Variants in CPNE4 observed in about 807,000 individuals in gnomAD.
CPNE4 encodes the protein copine 4.
Under a neutral mutation model 67.9 loss-of-function variants are expected in CPNE4, and 25 were observed. The ratio of observed to expected loss-of-function variants is 0.37; its 90% CI spans 0.27 to 0.51. The LOEUF (loss-of-function observed/expected upper bound fraction) is 0.51, where lower values mean the gene tolerates loss of function less well. CPNE4 is among the 20% of genes least tolerant of loss of function. The pLI, the probability that CPNE4 is intolerant of heterozygous loss-of-function variation, is 0.93. For missense variants in CPNE4, 464 were observed against 690.8 expected (o/e 0.67, Z 3.68); for synonymous variants, 242 against 244.9 (o/e 0.99, Z 0.11).
At chr3:131,733,884 C>T (rs1361143231) in intron 2 of CPNE4, among the ~76,000 whole-genome samples, 1 of 152,224 alleles carries the variant, frequency 6.6e-6, no homozygotes, top group South Asian at 2.1e-4. Context: ...AAGAGGAACT[C>T]ATCTGCGGGA....
At chr3:131,886,127 G>C (rs1427324141) in intron 2 of CPNE4, among the ~76,000 whole-genome samples, 1 of 152,220 alleles carries the variant, frequency 6.6e-6, no homozygotes, top group Non-Finnish European at 1.5e-5. Flanking sequence ...AGGAAGAAGT[G>C]GTTTCATGGG....
At chr3:131,582,663 G>T (rs987014104) in intron 8 of CPNE4, among the ~76,000 whole-genome samples, 1 of 152,128 alleles carries the variant, frequency 6.6e-6, no homozygotes, top group Non-Finnish European at 1.5e-5. Context: ...TGGCCAATGG[G>T]ACATTAGGAA....
At chr3:131,998,480 C>G (rs2107658520) in intron 1 of CPNE4, among the ~76,000 whole-genome samples, 1 of 152,232 alleles carries the variant, frequency 6.6e-6, no homozygotes, top group Non-Finnish European at 1.5e-5. Context: ...TCTCTCTGAA[C>G]ATCAAGCCAT....
At chr3:131,785,671 T>TTC (rs10584037) in intron 2 of CPNE4, among the ~76,000 whole-genome samples, 343 of 142,848 alleles carry the variant, frequency 2.4e-3, no homozygotes, top group Middle Eastern at 0.011. Flanking sequence ...CTTTCTCTCT[T>TTC]TCTCTCTCTC....
chr3:131,539,446 A>G (rs564885789), intron 15 of CPNE4, among the ~76,000 whole-genome samples: 4 of 152,188 alleles, frequency 2.6e-5, no homozygotes, highest in Non-Finnish European at 5.9e-5. Flanking sequence ...ATTCTTCTCA[A>G]CCACCCACAG....
chr3:131,901,218 T>C (rs1255153779), intron 2 of CPNE4, among the ~76,000 whole-genome samples: 1 of 152,136 alleles, frequency 6.6e-6, no homozygotes, highest in African/African-American at 2.4e-5. Flanking sequence ...TTGTACCACT[T>C]GATTATGATG....
At position 131,581,679 on chromosome 3, in the gene CPNE4, C is replaced by T. The variant is rs1449244651; in HGVS notation, c.781-14G>A. 2 of 1,585,798 alleles carry T rather than the reference C, an allele frequency of 1.3e-6. No individual in the cohort carries two copies. Among genetic ancestry groups the T allele is most frequent in the Admixed American group, 3.3e-5 (2 of 59,978 alleles). ...CTCCCACTGCACCTGAAAGAAGGGT[C>T]ATAGCATGAGAATCTGTTCAGGAAA... is the stretch of plus-strand genomic sequence containing the variant. On this transcript the variant is annotated splice_polypyrimidine_tract_variant and intron_variant, in intron 8 of 15. Coordinates refer to ENST00000429747, the MANE Select transcript of CPNE4 (RefSeq NM_130808.3).
chr3:131,605,687 G>A (rs922838982), intron 7 of CPNE4, among the ~76,000 whole-genome samples: 2 of 152,068 alleles, frequency 1.3e-5, no homozygotes, highest in African/African-American at 4.8e-5. Flanking sequence ...AGAGTTTGAA[G>A]TAAATCTGTG....
At chr3:131,863,653 G>A (rs1477381798) in intron 2 of CPNE4, among the ~76,000 whole-genome samples, 2 of 152,112 alleles carry the variant, frequency 1.3e-5, no homozygotes, top group Non-Finnish European at 2.9e-5. Context: ...TATTTTGTAG[G>A]TTGCCTGTTC....
chr3:131,714,310 C>T (rs941868005), intron 3 of CPNE4, among the ~76,000 whole-genome samples: 1 of 152,136 alleles, frequency 6.6e-6, no homozygotes, highest in African/African-American at 2.4e-5. Context: ...CTGTGCCTGA[C>T]ATAATCCTAA....
At chr3:131,654,721 A>G (rs1009507578) in intron 7 of CPNE4, among the ~76,000 whole-genome samples, 1 of 152,172 alleles carries the variant, frequency 6.6e-6, no homozygotes, top group Non-Finnish European at 1.5e-5. Context: ...CTTAAATCCC[A>G]ACAAAGAAGG....
At chr3:132,005,472 C>T (rs1008512077) in intron 1 of CPNE4, among the ~76,000 whole-genome samples, 10 of 151,488 alleles carry the variant, frequency 6.6e-5, no homozygotes, top group Non-Finnish European at 1.2e-4. Context: ...TTTTCTCCAT[C>T]TGTTCACCTG....
At chr3:131,640,141 A>C (rs941233650) in intron 7 of CPNE4, among the ~76,000 whole-genome samples, 6 of 152,194 alleles carry the variant, frequency 3.9e-5, no homozygotes, top group African/African-American at 1.4e-4. Context: ...TCAACAAAGT[A>C]CTGGAAGTCT....
chr3:131,863,875 T>C (rs2086806712), intron 2 of CPNE4, among the ~76,000 whole-genome samples: 1 of 152,232 alleles, frequency 6.6e-6, no homozygotes, highest in Non-Finnish European at 1.5e-5. Flanking sequence ...CTTGAATTAA[T>C]TTTTGTATAA....
intron 1 of CPNE4, among the ~76,000 whole-genome samples, chr3:132,032,455 T>A (rs2074256175): frequency 6.6e-6 from 1 of 152,242 alleles, no homozygotes; most frequent in Admixed American, 6.5e-5. Context: ...ACTATTGCTA[T>A]AGACCAATAT....
chr3:132,014,867 T>A (rs2073854912), intron 1 of CPNE4, among the ~76,000 whole-genome samples: 1 of 152,212 alleles, frequency 6.6e-6, no homozygotes, highest in Non-Finnish European at 1.5e-5. Context: ...AAATTGACTT[T>A]TGTTTAACCA....
At chr3:131,571,367 C>T (rs1156489711) in intron 10 of CPNE4, among the ~76,000 whole-genome samples, 1 of 152,022 alleles carries the variant, frequency 6.6e-6, no homozygotes, top group Non-Finnish European at 1.5e-5. Flanking sequence ...AAGCCACATA[C>T]ATGTAGCTCC....
chr3:131,812,085 T>C (rs1212098220), intron 2 of CPNE4, among the ~76,000 whole-genome samples: 2 of 151,936 alleles, frequency 1.3e-5, no homozygotes, highest in Non-Finnish European at 2.9e-5. Flanking sequence ...TTCAGGTCCA[T>C]AAAGAACAAA....
At chr3:131,827,159 T>C (rs546550904) in intron 2 of CPNE4, among the ~76,000 whole-genome samples, 2 of 152,332 alleles carry the variant, frequency 1.3e-5, no homozygotes, top group South Asian at 4.1e-4. Context: ...CATTAAGCCC[T>C]TTCAGCCCAG....
Sources: gnomAD v4.1 joint callset for allele counts (sites outside exome capture counted in the v4.1 genomes callset) on GRCh38, gnomAD v4.1.1 for gene constraint, MANE v1.5 for transcripts, NCBI Gene and HGNC (gene_info 2026-07-23, HGNC 2026-07-21) for gene names.